MIER1: variants seen among roughly 807,000 people sequenced by gnomAD.
MIER1 encodes the protein MIER1 transcriptional regulator.
Under a neutral mutation model 75.7 loss-of-function variants are expected in MIER1, and 40 were observed. That is an observed-to-expected ratio of 0.53 (90% CI 0.41 to 0.69). MIER1 has a LOEUF of 0.69. Ranked by LOEUF, MIER1 falls within the 30% of genes least tolerant of loss-of-function variation. MIER1 has a pLI of 0.00. For synonymous variants in MIER1, 213 were observed against 223.4 expected, an observed-to-expected ratio of 0.95 and a Z score of 0.42; for missense variants, 574 against 680.2, an observed-to-expected ratio of 0.84 and a Z score of 1.74.
intron 3 of MIER1, among the ~76,000 whole-genome samples, chr1:66,943,627 C>G (rs148354367): frequency 8.3e-4 from 126 of 151,972 alleles, no homozygotes; most frequent in Non-Finnish European, 7.6e-4. Flanking sequence ...ACTGTGTTGC[C>G]CAGGCTTGTC....
At chr1:66,946,755 AC>A in intron 4 of MIER1, 3 of 985,680 alleles carry the variant, frequency 3.0e-6, no homozygotes, top group Non-Finnish European at 3.6e-6. Flanking sequence ...TATCAAGGTG[AC>A]CAGTGAACTT....
rs1434986658 is a variant in MIER1, at chr1:66,985,519, TA to T, written c.*620del. The T allele has an allele frequency of 3.0e-6, 3 of 984,584 alleles. No individual in the cohort carries two copies. Among genetic ancestry groups the T allele is most frequent in the Admixed American group, 1.2e-4 (2 of 16,284 alleles). 61.0% of individuals were successfully genotyped at this position (984,584 alleles called of 1,614,324 possible). ...TGTTGACATCAATGATGTCTTTCCA[TA>T]TTCTTATCTGGGCTTAAGAAATACA... is the stretch of plus-strand genomic sequence containing the variant. On this transcript the variant is annotated 3_prime_UTR_variant, in exon 14 of 14. Coordinates refer to ENST00000401041, the MANE Select transcript of MIER1 (RefSeq NM_001077700.3).
rs746826571 is a variant in MIER1, at chr1:66,986,489, G to C, written c.*1589G>C. ...TTTAAAATAAAGCTTCTGTGGTCTT[G>C]TTTTTAATGGCTCAACTGTCTGATG... On this transcript the variant is annotated 3_prime_UTR_variant, in exon 14 of 14. Coordinates refer to ENST00000401041, the MANE Select transcript of MIER1 (RefSeq NM_001077700.3). The C allele has an allele frequency of 6.5e-7, 1 of 1,548,804 alleles. No individual in the cohort carries two copies. The highest frequency in any genetic ancestry group is 1.1e-5 in the South Asian group (1 of 89,550).
intron 8 of MIER1, 67 bp from the exon 9 acceptor site, chr1:66,970,741 A>T: frequency 2.5e-6 from 3 of 1,213,854 alleles, no homozygotes; most frequent in South Asian, 1.8e-5. Context: ...TTTATTTAGT[A>T]ATATGTTTTA....
chr1:66,977,383 T>G (rs974619622), intron 12 of MIER1, among the ~76,000 whole-genome samples: 3 of 152,184 alleles, frequency 2.0e-5, no homozygotes, highest in Non-Finnish European at 4.4e-5. Flanking sequence ...GTGCTGGGAT[T>G]ACAGGAGTGA....
Position 66,986,671 on chromosome 1 carries a change from C to CT in MIER1, c.*1773dup. The CT allele has an allele frequency of 3.9e-6, 2 of 509,702 alleles. No individual in the cohort carries two copies. Among genetic ancestry groups the CT allele is most frequent in the East Asian group, 6.1e-5 (2 of 32,704 alleles). The allele number at this position is 509,702 out of a possible 1,614,324, so 31.6% of individuals were successfully genotyped here. ...GCCACTTTGCAACACTTGACTTCAT[C>CT]TTAATGTACATTCACTGTTGTTACA... On this transcript the variant is annotated 3_prime_UTR_variant, in exon 14 of 14. Coordinates refer to ENST00000401041, the MANE Select transcript of MIER1 (RefSeq NM_001077700.3).
chr1:66,975,029 C>G (rs2101939244), intron 11 of MIER1, among the ~76,000 whole-genome samples: 1 of 152,232 alleles, frequency 6.6e-6, no homozygotes, highest in East Asian at 1.9e-4. Context: ...GTCCTGATTG[C>G]TGTCAGTCTC....
intron 2 of MIER1, among the ~76,000 whole-genome samples, chr1:66,935,388 G>C (rs895612415): frequency 6.6e-6 from 1 of 152,108 alleles, no homozygotes; most frequent in Non-Finnish European, 1.5e-5. Context: ...TTCATACTCT[G>C]TGTACAGTCT....
chr1:66,959,770 T>A (rs920800687), intron 7 of MIER1, 27 bp downstream of exon 7: 1 of 1,135,212 alleles, frequency 8.8e-7, no homozygotes, highest in African/African-American at 1.6e-5. Context: ...TTTCCCAAAA[T>A]TTAGATAAAT....
Position 66,936,484 on chromosome 1 carries a change from C to T in MIER1, c.169-3544C>T, listed in dbSNP as rs546059782. On this transcript the variant is annotated intron_variant, in intron 2 of 13. Coordinates refer to ENST00000401041, the MANE Select transcript of MIER1 (RefSeq NM_001077700.3). ...CTGACCTAGGGTGATCTGCCTGCCTCGGCCTCCCAAAGTGCTAGGATTACA... is the reference window on the plus strand; with the variant it reads ...CTGACCTAGGGTGATCTGCCTGCCTTGGCCTCCCAAAGTGCTAGGATTACA... Among the ~76,000 whole-genome samples, 16 of 152,104 alleles carry T rather than the reference C, an allele frequency of 1.1e-4. No individual in the cohort carries two copies. In the South Asian group the frequency reaches 2.5e-3, roughly 24 times the overall value.
At position 66,970,908 on chromosome 1, in the gene MIER1, GA is replaced by G; in HGVS notation, c.875del (p.Lys292ArgfsTer3). 1 of 1,589,236 alleles carries G rather than the reference GA, an allele frequency of 6.3e-7. No individual in the cohort carries two copies. Reference sequence around the variant, plus strand: ...ATGCATCTAGAAGAACAGGTGATGAGAAGGGTGTAGAAGCAATTCCTGAAGG... The same window carrying G: ...ATGCATCTAGAAGAACAGGTGATGAGAGGGTGTAGAAGCAATTCCTGAAGG... ...KDASRRTGDE[K>X]GVEAIPEGSH... On this transcript the variant is annotated frameshift_variant, in exon 9 of 14. Coordinates refer to ENST00000401041, the MANE Select transcript of MIER1 (RefSeq NM_001077700.3). LOFTEE classifies it high-confidence loss of function.
chr1:66,977,801 A>G (rs946137592), intron 12 of MIER1, among the ~76,000 whole-genome samples: 2 of 152,204 alleles, frequency 1.3e-5, no homozygotes, highest in African/African-American at 2.4e-5. Flanking sequence ...TGTTTACAGA[A>G]TAAAAAAATA....
chr1:66,976,450 C>T, intron 11 of MIER1, 145 bp from the exon 12 acceptor site: 1 of 554,504 alleles, frequency 1.8e-6, no homozygotes, highest in Non-Finnish European at 2.9e-6. Flanking sequence ...TAGCTTTCAA[C>T]ATAGCTGCTA....
Position 66,958,989 on chromosome 1 carries a change from T to C in MIER1, c.634+6T>C, listed in dbSNP as rs867042654. 6.2e-7 allele frequency: 1 copy of C among 1,608,968 alleles called. No homozygotes were observed. ...ATGTAAATATTTTGATACAAGTAAG[T>C]GTTACTGGTTGATAATATTTGAATA... On this transcript the variant is annotated splice_donor_region_variant and intron_variant, in intron 6 of 13. Transcript: ENST00000401041.
At chr1:66,946,872 G>A in intron 4 of MIER1, 1 of 985,132 alleles carries the variant, frequency 1.0e-6, no homozygotes, top group African/African-American at 1.7e-5. Context: ...GAATTCTGGA[G>A]TACACCACTG....
In MIER1 at chr1:66,986,226, A is replaced by G. The variant is rs1666762947; in HGVS notation, c.*1326A>G. 3 of 1,285,616 alleles carry G rather than the reference A, an allele frequency of 2.3e-6. No individual in the cohort carries two copies. The highest frequency in any genetic ancestry group is 2.9e-6 in the Non-Finnish European group (3 of 1,018,298). 79.6% of individuals were successfully genotyped at this position (1,285,616 alleles called of 1,614,324 possible). ...TTTCCAAAGTGAAAATAAGATACAC[A>G]ATAATCATTGCTCTGTGTGATTACA... is the stretch of plus-strand genomic sequence containing the variant. On this transcript the variant is annotated 3_prime_UTR_variant, in exon 14 of 14. Transcript: ENST00000401041.
At chr1:66,979,097 GT>G (rs140262538) in intron 12 of MIER1, among the ~76,000 whole-genome samples, 45 of 147,958 alleles carry the variant, frequency 3.0e-4, no homozygotes, top group African/African-American at 1.0e-3. Flanking sequence ...CCACTGGGTT[GT>G]TTTTTTTTTA....
intron 11 of MIER1, among the ~76,000 whole-genome samples, chr1:66,974,159 AATT>A (rs1320439134): frequency 6.6e-6 from 1 of 151,920 alleles, no homozygotes; most frequent in Non-Finnish European, 1.5e-5. Context: ...GTTCATTCTT[AATT>A]ATTTTGTTGA....
At chr1:66,967,965 T>C (rs1662767369) in intron 8 of MIER1, among the ~76,000 whole-genome samples, 2 of 152,210 alleles carry the variant, frequency 1.3e-5, no homozygotes, top group South Asian at 4.1e-4. Flanking sequence ...CTTCTTCCTT[T>C]CTAATTTGGA....
Sources: allele counts gnomAD v4.1 joint callset (sites outside exome capture counted in the v4.1 genomes callset), GRCh38; gene constraint gnomAD v4.1.1; transcripts MANE v1.5; gene names NCBI Gene and HGNC (gene_info 2026-07-23, HGNC 2026-07-21).